Variants in CSMD1 observed in about 807,000 individuals in gnomAD.
CSMD1 encodes the protein CUB and Sushi multiple domains 1.
CSMD1 carries 213 observed loss-of-function variants against 417.5 expected under a neutral mutation model. The observed-to-expected ratio is 0.51, with a 90% CI of 0.46 to 0.57. CSMD1 has a LOEUF of 0.57. Ranked by LOEUF, CSMD1 falls within the 20% of genes least tolerant of loss-of-function variation. The probability of loss-of-function intolerance (pLI) is 0.00; values close to 1 mark genes in which losing one functional copy is unlikely to be tolerated. For synonymous variants in CSMD1, 2,862 were observed against 1,736.8 expected (o/e 1.65, Z -16.11); for missense variants, 6,923 against 4,529.7 (o/e 1.53, Z -15.17).
intron 5 of CSMD1, among the ~76,000 whole-genome samples, chr8:3,996,916 G>A (rs963476545): frequency 7.9e-5 from 12 of 152,112 alleles, no homozygotes; most frequent in African/African-American, 2.9e-4. Flanking sequence ...TTTACAATAT[G>A]CTTCATGTTT....
intron 3 of CSMD1, among the ~76,000 whole-genome samples, chr8:4,152,829 GGAATGTA>G (rs1796640777): frequency 1.3e-5 from 2 of 152,072 alleles, no homozygotes; most frequent in Non-Finnish European, 2.9e-5. Flanking sequence ...GAGAGAGTAG[GGAATGTA>G]TGTATGTGCA....
intron 5 of CSMD1, among the ~76,000 whole-genome samples, chr8:3,767,372 G>A (rs1036707377): frequency 2.6e-5 from 4 of 152,186 alleles, no homozygotes; most frequent in African/African-American, 4.8e-5. Flanking sequence ...TTTCCCATGT[G>A]GGTGACCTCA....
intron 1 of CSMD1, among the ~76,000 whole-genome samples, chr8:4,785,089 G>T (rs968150423): frequency 6.6e-6 from 1 of 152,130 alleles, no homozygotes. Flanking sequence ...AATCTCTCTG[G>T]GTCATGAGTG....
intron 2 of CSMD1, among the ~76,000 whole-genome samples, chr8:4,434,031 G>A (rs986210766): frequency 6.6e-6 from 1 of 152,076 alleles, no homozygotes; most frequent in Non-Finnish European, 1.5e-5. Flanking sequence ...GATATGACAA[G>A]GAATTTTAAA....
intron 1 of CSMD1, among the ~76,000 whole-genome samples, chr8:4,699,675 C>G (rs1428791020): frequency 1.3e-5 from 2 of 152,188 alleles, no homozygotes; most frequent in Middle Eastern, 3.2e-3. Flanking sequence ...ACAATGTCAT[C>G]ATCCGTACAT....
At chr8:3,230,328 T>C in intron 26 of CSMD1, 97 bp from the exon 27 acceptor site, 4 of 937,734 alleles carry the variant, frequency 4.3e-6, no homozygotes, top group Non-Finnish European at 6.2e-6. Flanking sequence ...CACTCTTCAT[T>C]GGCCTAATAA....
At chr8:3,073,857 AT>A (rs376479808) in intron 49 of CSMD1, among the ~76,000 whole-genome samples, 17 of 152,038 alleles carry the variant, frequency 1.1e-4, no homozygotes, top group African/African-American at 4.1e-4. Flanking sequence ...ACAATGAGTG[AT>A]TTTTTTTGTT....
At chr8:3,646,267 C>G (rs1047186570) in intron 7 of CSMD1, among the ~76,000 whole-genome samples, 2 of 152,096 alleles carry the variant, frequency 1.3e-5, no homozygotes, top group African/African-American at 2.4e-5. Context: ...GAGATGTTAA[C>G]TGTAATTTTT....
chr8:3,474,576 T>C (rs1163378617), intron 11 of CSMD1, among the ~76,000 whole-genome samples: 2 of 152,306 alleles, frequency 1.3e-5, no homozygotes, highest in African/African-American at 4.8e-5. Flanking sequence ...AGTGTTTTGG[T>C]CTTTATGCAG....
At chr8:3,386,978 T>C (rs879815040) in intron 18 of CSMD1, among the ~76,000 whole-genome samples, 4 of 152,188 alleles carry the variant, frequency 2.6e-5, no homozygotes, top group Non-Finnish European at 5.9e-5. Flanking sequence ...AGAAGATTTG[T>C]GTAGGACAAC....
chr8:3,094,154 G>A (rs1184093295), intron 47 of CSMD1, among the ~76,000 whole-genome samples: 1 of 151,418 alleles, frequency 6.6e-6, no homozygotes. Flanking sequence ...CTTCCAGGCT[G>A]GAGTGCAATG....
At chr8:4,834,851 G>T (rs796427739) in intron 1 of CSMD1, among the ~76,000 whole-genome samples, 8 of 150,804 alleles carry the variant, frequency 5.3e-5, no homozygotes, top group African/African-American at 1.9e-4. Context: ...CAGCTACTTG[G>T]GAGGCTGAGG....
At chr8:4,241,362 T>A (rs373092303) in intron 3 of CSMD1, among the ~76,000 whole-genome samples, 3 of 152,318 alleles carry the variant, frequency 2.0e-5, no homozygotes, top group Admixed American at 6.5e-5. Context: ...CACCTTCGAG[T>A]AGCAGGTCCT....
rs572320471 is a variant in CSMD1 at position 4,642,190 on chromosome 8, G to A, written c.86-4632C>T. Reference sequence around the variant, plus strand: ...AGGACTACTTGTTCGGGGCCCCGGTGAGCCATGGAGTTGATGGTTGGTTAT... The same window carrying A: ...AGGACTACTTGTTCGGGGCCCCGGTAAGCCATGGAGTTGATGGTTGGTTAT... On this transcript the variant is annotated intron_variant, in intron 1 of 69. Coordinates refer to ENST00000635120, the MANE Select transcript of CSMD1 (RefSeq NM_033225.6). 5.9e-5 allele frequency among the ~76,000 whole-genome samples: 9 copies of A among 152,310 alleles called. No homozygotes were observed. In the South Asian group the frequency reaches 1.9e-3, roughly 32 times the overall value.
At chr8:3,733,438 T>G (rs373893192) in intron 6 of CSMD1, among the ~76,000 whole-genome samples, 1 of 151,414 alleles carries the variant, frequency 6.6e-6, no homozygotes, top group Non-Finnish European at 1.5e-5. Context: ...ATTTGGTGTA[T>G]GTATGCACTA....
chr8:3,336,276 G>A (rs917694879), intron 23 of CSMD1, among the ~76,000 whole-genome samples: 4 of 152,144 alleles, frequency 2.6e-5, no homozygotes, highest in Admixed American at 6.5e-5. Flanking sequence ...TATTATGAGT[G>A]TTTCCAAGGC....
intron 4 of CSMD1, among the ~76,000 whole-genome samples, chr8:4,023,743 C>T (rs925993922): frequency 6.9e-6 from 1 of 145,056 alleles, no homozygotes; most frequent in Non-Finnish European, 1.5e-5. Flanking sequence ...CCCACCGCTA[C>T]GCTCGGCTAA....
intron 5 of CSMD1, among the ~76,000 whole-genome samples, chr8:3,889,405 A>ATT (rs1356527581): frequency 1.4e-5 from 2 of 143,400 alleles, no homozygotes. Context: ...AACATTAAAT[A>ATT]ATGCCTTCCA....
chr8:4,150,903 T>G (rs1316975770), intron 3 of CSMD1, among the ~76,000 whole-genome samples: 1 of 48,042 alleles, frequency 2.1e-5, no homozygotes, highest in African/African-American at 7.3e-5. Context: ...GAAAGAGCAA[T>G]GTTTTGTTCC....
Sources: allele counts gnomAD v4.1 joint callset (sites outside exome capture counted in the v4.1 genomes callset), GRCh38; gene constraint gnomAD v4.1.1; transcripts MANE v1.5; gene names NCBI Gene and HGNC (gene_info 2026-07-23, HGNC 2026-07-21).